Variants in HPSE2 observed in about 807,000 individuals in gnomAD.
HPSE2 encodes the protein heparanase 2 (inactive).
A neutral mutation model predicts 60.5 loss-of-function variants in HPSE2; 38 were observed. The observed-to-expected ratio is 0.63, with a 90% CI of 0.48 to 0.82. HPSE2 has a LOEUF of 0.82. Among genes scored for constraint, HPSE2 ranks in the 40% least tolerant of loss-of-function variants. The pLI is 0.00. For missense variants in HPSE2, 713 were observed against 740.4 expected (o/e 0.96, Z 0.43); for synonymous variants, 295 against 293.2 (o/e 1.01, Z -0.06).
chr10:99,197,341 T>C (rs1015184651), intron 2 of HPSE2, among the ~76,000 whole-genome samples: 1 of 152,108 alleles, frequency 6.6e-6, no homozygotes, highest in Non-Finnish European at 1.5e-5. Flanking sequence ...AATAATAAAA[T>C]GTACATTTTA....
At chr10:98,710,162 C>A (rs1160673747) in intron 5 of HPSE2, among the ~76,000 whole-genome samples, 1 of 152,112 alleles carries the variant, frequency 6.6e-6, no homozygotes, top group African/African-American at 2.4e-5. Context: ...AAGCCACTTA[C>A]TTTTTCATGG....
At chr10:99,161,503 C>T (rs1846844129) in intron 2 of HPSE2, among the ~76,000 whole-genome samples, 1 of 151,932 alleles carries the variant, frequency 6.6e-6, no homozygotes, top group African/African-American at 2.4e-5. Context: ...TTCTGGAGAA[C>T]GCATATCAAT....
chr10:98,688,697 A>T (rs577977413), intron 6 of HPSE2, among the ~76,000 whole-genome samples: 1 of 151,512 alleles, frequency 6.6e-6, no homozygotes, highest in South Asian at 2.1e-4. Flanking sequence ...GCTGGTCTTG[A>T]ACTCCTGACC....
At chr10:99,131,299 C>T (rs956538529) in intron 3 of HPSE2, among the ~76,000 whole-genome samples, 2 of 152,088 alleles carry the variant, frequency 1.3e-5, no homozygotes, top group Admixed American at 1.3e-4. Flanking sequence ...GAACTAAAAG[C>T]AGAACTACCA....
intron 3 of HPSE2, among the ~76,000 whole-genome samples, chr10:98,886,709 T>TAATC (rs1480554748): frequency 6.6e-6 from 1 of 152,112 alleles, no homozygotes; most frequent in Admixed American, 6.6e-5. Context: ...ATTGGTAAGC[T>TAATC]AATCAGTAGT....
At chr10:98,674,531 C>G (rs1345765285) in intron 6 of HPSE2, among the ~76,000 whole-genome samples, 1 of 152,248 alleles carries the variant, frequency 6.6e-6, no homozygotes, top group Non-Finnish European at 1.5e-5. Flanking sequence ...ATAGTTTACA[C>G]CATTGGCATG....
At chr10:98,731,642 T>G (rs890462292) in intron 4 of HPSE2, among the ~76,000 whole-genome samples, 1 of 152,120 alleles carries the variant, frequency 6.6e-6, no homozygotes, top group Non-Finnish European at 1.5e-5. Context: ...ATAAAGCGTA[T>G]CTAAGAAAAA....
the HPSE2 span, among the ~76,000 whole-genome samples, chr10:99,314,929 A>G: frequency 2.0e-5 from 3 of 152,178 alleles, no homozygotes; most frequent in African/African-American, 7.2e-5. Flanking sequence ...TCTTTCTTCA[A>G]TTTGGTTGAA....
chr10:98,690,506 C>G (rs189790932), intron 6 of HPSE2, among the ~76,000 whole-genome samples: 1 of 152,110 alleles, frequency 6.6e-6, no homozygotes, highest in African/African-American at 2.4e-5. Context: ...TGCCATTGCA[C>G]TCCAGCCTGG....
intron 3 of HPSE2, among the ~76,000 whole-genome samples, chr10:99,062,714 A>G (rs550838884): frequency 2.0e-4 from 31 of 152,314 alleles, no homozygotes; most frequent in Admixed American, 6.5e-4. Context: ...AGCTAAGTTA[A>G]TATCTAAGAT....
chr10:98,941,683 C>A (rs200809900), intron 3 of HPSE2, among the ~76,000 whole-genome samples: 65,228 of 125,770 alleles, frequency 0.52, 20,090 homozygotes, highest in East Asian at 0.64. Context: ...CAATGCCATC[C>A]CCATCAAGCT....
chr10:99,113,791 G>A (rs1449827894), intron 3 of HPSE2, among the ~76,000 whole-genome samples: 1 of 151,508 alleles, frequency 6.6e-6, no homozygotes, highest in Non-Finnish European at 1.5e-5. Flanking sequence ...AGAGGTACAA[G>A]TGCAGTTGTG....
chr10:98,839,619 A>G lies in HPSE2; in HGVS notation c.611-95563T>C, dbSNP rs181481856. Among the ~76,000 whole-genome samples, 62 of 152,352 alleles carry G rather than the reference A, an allele frequency of 4.1e-4. 1 individual carries two copies. In the East Asian group the frequency reaches 0.012, roughly 29 times the overall value. ...AAGTGACCAAGCCTGATTCATTTTT[A>G]TATTCCTCACAGGAACACAGTGCTA... On this transcript the variant is annotated intron_variant, in intron 3 of 11. Coordinates refer to ENST00000370552, the MANE Select transcript of HPSE2 (RefSeq NM_021828.5).
chr10:99,059,175 G>T (rs1958179788), intron 3 of HPSE2, among the ~76,000 whole-genome samples: 1 of 152,070 alleles, frequency 6.6e-6, no homozygotes, highest in Non-Finnish European at 1.5e-5. Context: ...TTTGGCCCAT[G>T]GGCCATAGTT....
intron 4 of HPSE2, among the ~76,000 whole-genome samples, chr10:98,725,436 A>C (rs574567013): frequency 3.3e-5 from 5 of 152,350 alleles, no homozygotes; most frequent in South Asian, 4.1e-4. Flanking sequence ...GGCTAGCCTT[A>C]TGTAGAAAGC....
At chr10:98,964,838 T>A (rs1256447640) in intron 3 of HPSE2, among the ~76,000 whole-genome samples, 2 of 152,180 alleles carry the variant, frequency 1.3e-5, no homozygotes, top group African/African-American at 4.8e-5. Flanking sequence ...AATTTCATTA[T>A]ATTTTCCCCC....
intron 9 of HPSE2, among the ~76,000 whole-genome samples, chr10:98,597,878 G>T (rs1945286609): frequency 6.7e-6 from 1 of 148,590 alleles, no homozygotes; most frequent in South Asian, 2.1e-4. Context: ...GGCTGAGGTG[G>T]GAGAATTGCT....
intron 3 of HPSE2, among the ~76,000 whole-genome samples, chr10:98,987,629 G>T (rs1297560177): frequency 1.3e-5 from 2 of 152,106 alleles, no homozygotes; most frequent in Non-Finnish European, 2.9e-5. Flanking sequence ...ACATAATGTT[G>T]GAAGTTCTGG....
chr10:99,052,870 G>C (rs1466001060), intron 3 of HPSE2, among the ~76,000 whole-genome samples: 1 of 152,020 alleles, frequency 6.6e-6, no homozygotes, highest in Non-Finnish European at 1.5e-5. Flanking sequence ...CAAATGCAGA[G>C]AGGATTTATC....
Sources: allele counts gnomAD v4.1 joint callset (sites outside exome capture counted in the v4.1 genomes callset), GRCh38; gene constraint gnomAD v4.1.1; transcripts MANE v1.5; gene names NCBI Gene and HGNC (gene_info 2026-07-23, HGNC 2026-07-21).